Variants in NRP2 observed in about 807,000 individuals in gnomAD.
The protein encoded by NRP2 is neuropilin 2, also known as neuropilin-2.
Under a neutral mutation model 110.4 loss-of-function variants are expected in NRP2, and 52 were observed. The observed-to-expected ratio is 0.47, with a 90% CI of 0.38 to 0.59. The LOEUF (loss-of-function observed/expected upper bound fraction) is 0.59, where lower values mean the gene tolerates loss of function less well. NRP2 is among the 20% of genes least tolerant of loss of function. NRP2 has a pLI of 0.00. For missense variants in NRP2, 1,049 were observed against 1,203.0 expected (o/e 0.87, Z 1.89); for synonymous variants, 508 against 468.9 (o/e 1.08, Z -1.08).
intron 1 of NRP2, among the ~76,000 whole-genome samples, chr2:205,696,245 G>A (rs2056423359): frequency 6.6e-6 from 1 of 152,134 alleles, no homozygotes; most frequent in African/African-American, 2.4e-5. Context: ...ACAGACATGG[G>A]GAATAGTAAA....
intron 1 of NRP2, among the ~76,000 whole-genome samples, chr2:205,687,085 C>T (rs1428249008): frequency 6.6e-6 from 1 of 152,180 alleles, no homozygotes; most frequent in Non-Finnish European, 1.5e-5. Flanking sequence ...CTCCCCTCCT[C>T]GTCTGGAGAG....
chr2:205,747,615 A>G (rs1468181146), intron 10 of NRP2, among the ~76,000 whole-genome samples: 1 of 152,120 alleles, frequency 6.6e-6, no homozygotes, highest in Non-Finnish European at 1.5e-5. Flanking sequence ...CAATGATGAG[A>G]GTGATGCGTG....
chr2:205,737,866 A>G (rs1250020080), intron 7 of NRP2, among the ~76,000 whole-genome samples: 4 of 152,122 alleles, frequency 2.6e-5, no homozygotes, highest in Non-Finnish European at 5.9e-5. Flanking sequence ...TAGGGGGTTC[A>G]CCCAGAGCCT....
chr2:205,732,037 G>A (rs2057250497), intron 7 of NRP2, among the ~76,000 whole-genome samples: 1 of 152,180 alleles, frequency 6.6e-6, no homozygotes. Flanking sequence ...CCAGACTGGC[G>A]CTCTCCACAA....
At chr2:205,720,552 C>T (rs1370651111) in intron 3 of NRP2, among the ~76,000 whole-genome samples, 3 of 152,204 alleles carry the variant, frequency 2.0e-5, no homozygotes, top group African/African-American at 4.8e-5. Context: ...TCAGGATGCT[C>T]TTTCTAGCTC....
intron 2 of NRP2, among the ~76,000 whole-genome samples, chr2:205,703,147 A>G (rs192696110): frequency 1.1e-4 from 16 of 152,356 alleles, no homozygotes; most frequent in Non-Finnish European, 1.3e-4. Context: ...GCAATAGGTC[A>G]GCATGAGCTG....
At chr2:205,769,419 C>T (rs188415168) in intron 15 of NRP2, among the ~76,000 whole-genome samples, 50 of 151,726 alleles carry the variant, frequency 3.3e-4, no homozygotes, top group African/African-American at 1.0e-3. Context: ...TTTCATTTTC[C>T]GCCTCTTACT....
chr2:205,790,703 G>A (rs151248009), intron 15 of NRP2, among the ~76,000 whole-genome samples: 3 of 149,588 alleles, frequency 2.0e-5, no homozygotes, highest in East Asian at 2.0e-4. Flanking sequence ...TCACAAGCTC[G>A]ATTTGATCCC....
chr2:205,776,852 T>C (rs190050077), intron 15 of NRP2: 2 of 1,257,672 alleles, frequency 1.6e-6, no homozygotes, highest in East Asian at 8.6e-5. Flanking sequence ...GTTCGCTTGT[T>C]TTTTCCCCTT....
chr2:205,782,307 T>A (rs190504394), intron 15 of NRP2, among the ~76,000 whole-genome samples: 1 of 151,958 alleles, frequency 6.6e-6, no homozygotes, highest in African/African-American at 2.4e-5. Context: ...ACAACAGAGG[T>A]ACTTGAGGGA....
intron 2 of NRP2, among the ~76,000 whole-genome samples, chr2:205,703,024 A>C (rs569369528): frequency 1.5e-4 from 23 of 152,304 alleles, no homozygotes; most frequent in African/African-American, 5.1e-4. Context: ...TAAATTCTAC[A>C]AGGGCACAAA....
intron 11 of NRP2, among the ~76,000 whole-genome samples, chr2:205,751,049 C>T (rs1276017124): frequency 6.6e-6 from 1 of 152,068 alleles, no homozygotes; most frequent in African/African-American, 2.4e-5. Flanking sequence ...TTTTAATGAA[C>T]TTGTTTTTGT....
At chr2:205,721,866 A>G (rs566792695) in intron 3 of NRP2, among the ~76,000 whole-genome samples, 97 of 152,262 alleles carry the variant, frequency 6.4e-4, no homozygotes, top group Non-Finnish European at 1.3e-3. Flanking sequence ...TCCGACCACT[A>G]CAGAGCAGCT....
intron 6 of NRP2, among the ~76,000 whole-genome samples, chr2:205,726,822 C>T (rs757925106): frequency 6.6e-6 from 1 of 152,118 alleles, no homozygotes; most frequent in African/African-American, 2.4e-5. Flanking sequence ...AGCTCTGAGG[C>T]GACACAGTGA....
In NRP2 at chr2:205,722,469, T is replaced by C. The variant is rs1214941538; in HGVS notation, c.434-9T>C. 1 of 1,608,460 alleles carries C rather than the reference T, an allele frequency of 6.2e-7. No homozygotes were observed. The highest frequency in any genetic ancestry group is 8.5e-7 in the Non-Finnish European group (1 of 1,174,824). Reference sequence around the variant, plus strand: ...TCTTCTTAGTGCTACAGTTCTCTTTTACATACAGGCTCTGAAGATTGCTCA... The same window carrying C: ...TCTTCTTAGTGCTACAGTTCTCTTTCACATACAGGCTCTGAAGATTGCTCA... On this transcript the variant is annotated splice_polypyrimidine_tract_variant and intron_variant, in intron 3 of 16. Transcript: ENST00000357785.
Position 205,722,624 on chromosome 2 carries a change from T to C in NRP2, c.580T>C (p.Phe194Leu), listed in dbSNP as rs755679361. ...GGAGATCATCCTGCAGTTCCTGATC[T>C]TTGACCTGGAGCATGACCCTTTGCA... ...KMEIILQFLIFDLEHDPLQVG... is the reference protein window; with the variant it reads ...KMEIILQFLILDLEHDPLQVG... The change falls in exon 4 of 17, where the codon TTT becomes CTT. Residue 194 changes from phenylalanine (F) to leucine (L), a missense_variant. Physicochemically the swap from Phe to Leu is conservative, Grantham distance 22. Coordinates refer to ENST00000357785, the MANE Select transcript of NRP2 (RefSeq NM_003872.3). 15 of 1,614,080 alleles carry C rather than the reference T, an allele frequency of 9.3e-6. No individual in the cohort carries two copies. In the Admixed American group the frequency reaches 2.5e-4, roughly 27 times the overall value.
Position 205,763,212 on chromosome 2 carries a change from G to A in NRP2, c.2045-462G>A, listed in dbSNP as rs1169839316. 2.0e-5 allele frequency among the ~76,000 whole-genome samples: 3 copies of A among 152,094 alleles called. No individual in the cohort carries two copies. The highest frequency in any genetic ancestry group is 4.4e-5 in the Non-Finnish European group (3 of 68,016). On this transcript the variant is annotated intron_variant, in intron 12 of 16. Transcript: ENST00000357785. This position sits in a 1 kb window ranked among gnomAD's most constrained non-coding sequence, Gnocchi z 4.0. Reference sequence around the variant, plus strand: ...CAGGGCTGGAAGCATCAACCACCTGGTCATAGTCACCCTCCAATCTAGCAG... The same window carrying A: ...CAGGGCTGGAAGCATCAACCACCTGATCATAGTCACCCTCCAATCTAGCAG...
chr2:205,795,252 C>A lies in NRP2; in HGVS notation c.*194C>A. 1.6e-6 allele frequency: 1 copy of A among 639,632 alleles called. No homozygotes were observed. Among genetic ancestry groups the A allele is most frequent in the Non-Finnish European group, 2.8e-6 (1 of 359,514 alleles). 39.6% of individuals were successfully genotyped at this position (639,632 alleles called of 1,614,324 possible). On this transcript the variant is annotated 3_prime_UTR_variant, in exon 17 of 17. Transcript: ENST00000357785. ...CAGCCGCACAGGGGATGATTACCCT[C>A]CTAGGACCGCGGTGGCTAAGTCATT...
chr2:205,774,231 G>A (rs2058064867), intron 15 of NRP2, among the ~76,000 whole-genome samples: 1 of 152,184 alleles, frequency 6.6e-6, no homozygotes, highest in Non-Finnish European at 1.5e-5. Context: ...GCCACTTCAA[G>A]GAGCCATTTC....
Sources: allele counts gnomAD v4.1 joint callset (sites outside exome capture counted in the v4.1 genomes callset), GRCh38; gene constraint gnomAD v4.1.1; non-coding constraint Gnocchi (gnomAD v3.1); transcripts MANE v1.5; gene names NCBI Gene and HGNC (gene_info 2026-07-23, HGNC 2026-07-21).